Variants in CDH4 observed in about 807,000 individuals in gnomAD.
CDH4 encodes the protein cadherin-4.
A neutral mutation model predicts 86.0 loss-of-function variants in CDH4; 33 were observed. The observed-to-expected ratio is 0.38, with a 90% CI of 0.29 to 0.51. The LOEUF (loss-of-function observed/expected upper bound fraction) is 0.51, where lower values mean the gene tolerates loss of function less well. CDH4 is among the 20% of genes least tolerant of loss of function. CDH4 has a pLI of 0.86. For missense variants in CDH4, 1,114 were observed against 1,307.4 expected, an observed-to-expected ratio of 0.85 and a Z score of 2.28; for synonymous variants, 555 against 549.4, an observed-to-expected ratio of 1.01 and a Z score of -0.14.
chr20:61,852,190 C>T (rs372750117), intron 5 of CDH4, among the ~76,000 whole-genome samples: 24 of 152,182 alleles, frequency 1.6e-4, no homozygotes, highest in African/African-American at 3.6e-4. Flanking sequence ...GGCACACAGA[C>T]GCAGAGGAGC....
intron 2 of CDH4, among the ~76,000 whole-genome samples, chr20:61,608,822 G>A (rs2086663575): frequency 6.6e-6 from 1 of 152,146 alleles, no homozygotes; most frequent in South Asian, 2.1e-4. Flanking sequence ...AGCCAAACGC[G>A]GGGTGGTGAG....
At chr20:61,688,156 C>G (rs1234938809) in intron 2 of CDH4, among the ~76,000 whole-genome samples, 1 of 152,084 alleles carries the variant, frequency 6.6e-6, no homozygotes, top group East Asian at 1.9e-4. Context: ...AAGCTGGGCT[C>G]ATAGGGGTCA....
At chr20:61,673,048 G>A (rs1476189594) in intron 2 of CDH4, among the ~76,000 whole-genome samples, 1 of 152,156 alleles carries the variant, frequency 6.6e-6, no homozygotes, top group Non-Finnish European at 1.5e-5. Flanking sequence ...ATTGGAAGAT[G>A]CTGTGCTTGA....
chr20:61,474,769 A>G (rs149062958), intron 2 of CDH4, among the ~76,000 whole-genome samples: 2 of 151,846 alleles, frequency 1.3e-5, no homozygotes, highest in African/African-American at 2.4e-5. Context: ...GGGCATTTTT[A>G]TATGTTCTAT....
chr20:61,294,183 G>A (rs564476093), intron 2 of CDH4, among the ~76,000 whole-genome samples: 21 of 152,182 alleles, frequency 1.4e-4, no homozygotes, highest in Non-Finnish European at 2.8e-4. Context: ...TGATCCTGCC[G>A]GCATCATGGG....
At chr20:61,451,361 C>T (rs1033014110) in intron 2 of CDH4, among the ~76,000 whole-genome samples, 33 of 152,292 alleles carry the variant, frequency 2.2e-4, no homozygotes, top group African/African-American at 7.2e-4. Flanking sequence ...GCAGACCTGG[C>T]TATGAATCTC....
intron 2 of CDH4, among the ~76,000 whole-genome samples, chr20:61,721,264 A>G (rs182717785): frequency 9.7e-4 from 147 of 152,310 alleles, no homozygotes; most frequent in African/African-American, 3.2e-3. Context: ...GCTTTCTTTC[A>G]CCATCTTCTA....
At chr20:61,299,360 C>T (rs1168128804) in intron 2 of CDH4, among the ~76,000 whole-genome samples, 3 of 152,176 alleles carry the variant, frequency 2.0e-5, no homozygotes, top group East Asian at 1.9e-4. Flanking sequence ...CTCTGATCTC[C>T]GTCAAACTCC....
At chr20:61,331,698 GAGCCACCTCCT>G in intron 2 of CDH4, among the ~76,000 whole-genome samples, 1 of 143,010 alleles carries the variant, frequency 7.0e-6, no homozygotes, top group Non-Finnish European at 1.5e-5. Context: ...ACCTGCCCCA[GAGCCACCTCCT>G]GCCCCGACCA....
rs1484211560 is a variant in CDH4 at position 61,585,176 on chromosome 20, G to A, written c.170-158387G>A. On this transcript the variant is annotated intron_variant, in intron 2 of 15. Coordinates refer to ENST00000614565, the MANE Select transcript of CDH4 (RefSeq NM_001794.5). ...CCCAGCCACAGGTCTGCTCTGAAACGTTCCAATAAAACGATCCTGCTGAAA... is the reference window on the plus strand; with the variant it reads ...CCCAGCCACAGGTCTGCTCTGAAACATTCCAATAAAACGATCCTGCTGAAA... Among the ~76,000 whole-genome samples, 6 of 152,244 alleles carry A rather than the reference G, an allele frequency of 3.9e-5. No individual in the cohort carries two copies. In the East Asian group the frequency reaches 5.8e-4, roughly 15 times the overall value.
At chr20:61,613,887 C>A (rs1459585002) in intron 2 of CDH4, among the ~76,000 whole-genome samples, 6 of 152,036 alleles carry the variant, frequency 3.9e-5, no homozygotes, top group African/African-American at 1.5e-4. Flanking sequence ...TCGTTTGTTT[C>A]CCCACAGTGG....
At chr20:61,310,489 A>G (rs1276002780) in intron 2 of CDH4, among the ~76,000 whole-genome samples, 1 of 152,152 alleles carries the variant, frequency 6.6e-6, no homozygotes, top group East Asian at 1.9e-4. Context: ...GATCCCTCCC[A>G]TGCGCGGTTC....
chr20:61,565,230 G>GTGGTGGTCCTCTTGGTGA (rs2086269982), intron 2 of CDH4, among the ~76,000 whole-genome samples: 1 of 30,608 alleles, frequency 3.3e-5, no homozygotes, highest in Admixed American at 3.1e-4. Flanking sequence ...GTAGGTGGTG[G>GTGGTGGTCCTCTTGGTGA]TGGTGGTGGT....
Position 61,441,569 on chromosome 20 carries a change from C to A in CDH4, c.169+186632C>A, listed in dbSNP as rs138394148. 1.8e-4 allele frequency among the ~76,000 whole-genome samples: 28 copies of A among 152,320 alleles called. No homozygotes were observed. The East Asian group carries it at 4.6e-3, about 25-fold the overall frequency. ...AGGCGATGGTGTTAGAAGGCAGGGC[C>A]TTTGGGTGGTTATGAGGTCATGAGG... On this transcript the variant is annotated intron_variant, in intron 2 of 15. Transcript: ENST00000614565.
At position 61,910,332 on chromosome 20, in the gene CDH4, C is replaced by CTCGTTGAGCTGCACATA. The variant is rs1425420881; in HGVS notation, c.1189-88_1189-72dup. On this transcript the variant is annotated intron_variant, in intron 8 of 15. Coordinates refer to ENST00000614565, the MANE Select transcript of CDH4 (RefSeq NM_001794.5). The stretch of plus-strand genomic sequence containing the variant: ...ACACGGTGTGTTCTGTTTGTGAACA[C>CTCGTTGAGCTGCACATA]TCGTTGAGCTGCACATATGCTACGT... The CTCGTTGAGCTGCACATA allele has an allele frequency of 3.4e-5, 39 of 1,150,014 alleles. No individual in the cohort carries two copies. In the African/African-American group the frequency reaches 5.3e-4, roughly 16 times the overall value. The allele number at this position is 1,150,014 out of a possible 1,614,324, so 71.2% of individuals were successfully genotyped here.
chr20:61,702,702 C>T (rs2087789819), intron 2 of CDH4, among the ~76,000 whole-genome samples: 1 of 152,232 alleles, frequency 6.6e-6, no homozygotes, highest in Admixed American at 6.5e-5. Context: ...GCTGCAGATT[C>T]AAAAGTGCTT....
intron 4 of CDH4, among the ~76,000 whole-genome samples, chr20:61,803,115 G>A (rs1407586221): frequency 6.6e-6 from 1 of 152,228 alleles, no homozygotes; most frequent in Non-Finnish European, 1.5e-5. Flanking sequence ...TGTCTCAGCA[G>A]CGCGGCGAGT....
chr20:61,766,106 T>G (rs1042682121), intron 3 of CDH4, among the ~76,000 whole-genome samples: 1 of 151,914 alleles, frequency 6.6e-6, no homozygotes, highest in African/African-American at 2.4e-5. Context: ...CCTCCCTCCC[T>G]GGCAGGCCCC....
chr20:61,616,174 CA>C (rs974987229), intron 2 of CDH4, among the ~76,000 whole-genome samples: 3 of 152,244 alleles, frequency 2.0e-5, no homozygotes, highest in Admixed American at 6.5e-5. Context: ...TCCTCCCTGA[CA>C]CTGCACCAGC....
Sources: allele counts gnomAD v4.1 joint callset (sites outside exome capture counted in the v4.1 genomes callset), GRCh38; gene constraint gnomAD v4.1.1; transcripts MANE v1.5; gene names NCBI Gene and HGNC (gene_info 2026-07-23, HGNC 2026-07-21).